The following KMT5A variants were observed in gnomAD, a reference collection of about 807,000 sequenced individuals.
KMT5A encodes the protein N-lysine methyltransferase KMT5A.
In KMT5A, 6 loss-of-function variants were observed where a neutral mutation model predicts 40.6. That is an observed-to-expected ratio of 0.15 (90% CI 0.08 to 0.29). The LOEUF is 0.29. Ranked by LOEUF, KMT5A falls within the 10% of genes least tolerant of loss-of-function variation. The pLI is 1.00. For synonymous variants in KMT5A, 153 were observed against 178.8 expected (o/e 0.86, Z 1.15); for missense variants, 308 against 459.1 (o/e 0.67, Z 3.01).
At chr12:123,396,650 A>G (rs760713186) in intron 5 of KMT5A, among the ~76,000 whole-genome samples, 2 of 152,184 alleles carry the variant, frequency 1.3e-5, no homozygotes, top group African/African-American at 2.4e-5. Flanking sequence ...TGGTTAAGAC[A>G]CTTGTGTGAA....
intron 1 of KMT5A, among the ~76,000 whole-genome samples, chr12:123,386,689 T>G (rs1416984015): frequency 1.3e-5 from 2 of 152,128 alleles, no homozygotes; most frequent in Non-Finnish European, 2.9e-5. Flanking sequence ...TTTATAATCA[T>G]GCAAATATTT....
At position 123,405,087 on chromosome 12, in the gene KMT5A, T is replaced by G. The variant is rs777987425; in HGVS notation, c.848+13T>G. The G allele has an allele frequency of 6.3e-7, 1 of 1,599,646 alleles. No homozygotes were observed. The highest frequency in any genetic ancestry group is 1.1e-5 in the South Asian group (1 of 89,698). On this transcript the variant is annotated intron_variant, in intron 7 of 7. Transcript: ENST00000402868. ...GCAAAACCTACTGGTGAGTCCACTGTTGCTTAGAGTGGCTTTTCTGTCCTC... is the reference window on the plus strand; with the variant it reads ...GCAAAACCTACTGGTGAGTCCACTGGTGCTTAGAGTGGCTTTTCTGTCCTC...
intron 1 of KMT5A, 168 bp from the exon 2 acceptor site, chr12:123,389,255 GCGACGCGGGC>G: frequency 2.2e-5 from 4 of 181,510 alleles, no homozygotes; most frequent in Non-Finnish European, 3.9e-5. Context: ...CGGCGGGAGG[GCGACGCGGGC>G]TCCGGCCCGG....
intron 5 of KMT5A, 40 bp downstream of exon 5, chr12:123,396,472 G>A: frequency 6.3e-7 from 1 of 1,592,598 alleles, no homozygotes; most frequent in Non-Finnish European, 8.6e-7. Flanking sequence ...GGAGGGGCAG[G>A]GTGGCCCACC....
chr12:123,385,455 C>G (rs763020362), intron 1 of KMT5A, among the ~76,000 whole-genome samples: 3 of 152,176 alleles, frequency 2.0e-5, no homozygotes, highest in Non-Finnish European at 4.4e-5. Flanking sequence ...TCATTTTTCT[C>G]ATCACAGCAA....
intron 3 of KMT5A, 60 bp from the exon 4 acceptor site, chr12:123,394,987 C>T (rs566313760): frequency 4.5e-5 from 63 of 1,407,354 alleles, no homozygotes; most frequent in Middle Eastern, 3.5e-4. Context: ...TGCAGCTGGT[C>T]GTCTGGAAAT....
At chr12:123,394,904 C>CG in intron 3 of KMT5A, 143 bp from the exon 4 acceptor site, 1 of 713,748 alleles carries the variant, frequency 1.4e-6, no homozygotes, top group Non-Finnish European at 2.4e-6. Flanking sequence ...ATAGCGGACA[C>CG]GGGGCTTAAC....
intron 2 of KMT5A, chr12:123,390,037 C>T (rs1466062771): frequency 8.6e-6 from 4 of 466,268 alleles, no homozygotes; most frequent in South Asian, 6.2e-5. Flanking sequence ...GACAAAGTGG[C>T]CGCCCCGAAT....
chr12:123,402,313 C>T (rs1041083007), intron 5 of KMT5A, among the ~76,000 whole-genome samples: 3 of 152,222 alleles, frequency 2.0e-5, no homozygotes, highest in African/African-American at 4.8e-5. Context: ...TGCAGGGCCG[C>T]AGTGGGAATG....
chr12:123,399,403 T>C (rs1265578023), intron 5 of KMT5A, among the ~76,000 whole-genome samples: 1 of 152,220 alleles, frequency 6.6e-6, no homozygotes, highest in African/African-American at 2.4e-5. Context: ...TCCCTGGCTT[T>C]GTGCCGGGGC....
At chr12:123,390,488 C>T (rs1877217977) in intron 2 of KMT5A, 142 bp from the exon 3 acceptor site, 1 of 985,376 alleles carries the variant, frequency 1.0e-6, no homozygotes, top group Non-Finnish European at 1.5e-6. Flanking sequence ...TCTCCTGAGA[C>T]AATGGGGGCT....
At chr12:123,399,225 C>T (rs1477443359) in intron 5 of KMT5A, among the ~76,000 whole-genome samples, 2 of 152,248 alleles carry the variant, frequency 1.3e-5, no homozygotes, top group East Asian at 3.8e-4. Context: ...GGAAGGTCCC[C>T]TCCTTCCTGG....
Position 123,389,505 on chromosome 12 carries a change from G to A in KMT5A, c.83G>A (p.Gly28Asp). 8.9e-7 allele frequency: 1 copy of A among 1,126,152 alleles called. No individual in the cohort carries two copies. Among genetic ancestry groups the A allele is most frequent in the Non-Finnish European group, 1.1e-6 (1 of 925,374 alleles). 69.8% of individuals were successfully genotyped at this position (1,126,152 alleles called of 1,614,324 possible). A position where few individuals can be genotyped will look rare whatever the true frequency, so the allele number is the denominator to read the frequency against. ...GCGGCGGTGGCAGCGACGGCCCCGGGCCCGGAGATGGTGGAGCGGAGGGGC... is the reference window on the plus strand; with the variant it reads ...GCGGCGGTGGCAGCGACGGCCCCGGACCCGGAGATGGTGGAGCGGAGGGGC... ...AAAAVAATAP[G>D]PEMVERRGPG... The change falls in exon 2 of 8, where the codon GGC (glycine) becomes GAC (aspartate). Residue 28 changes from glycine (G) to aspartate (D), a missense_variant. This residue lies in a region of KMT5A where 92 missense variants were observed against 78.3 expected (regional missense o/e 1.18). Coordinates refer to ENST00000402868, the MANE Select transcript of KMT5A (RefSeq NM_020382.7).
At chr12:123,390,397 C>T (rs970988373) in intron 2 of KMT5A, among the ~76,000 whole-genome samples, 1 of 152,180 alleles carries the variant, frequency 6.6e-6, no homozygotes, top group Non-Finnish European at 1.5e-5. Flanking sequence ...CTCCTGCTGG[C>T]CAGCTGTCCC....
At chr12:123,391,013 G>A (rs771317306) in intron 3 of KMT5A, 2 of 524,626 alleles carry the variant, frequency 3.8e-6, no homozygotes, top group African/African-American at 1.9e-5. Context: ...TATCCTTCAA[G>A]CTTGATTGTC....
intron 1 of KMT5A, among the ~76,000 whole-genome samples, chr12:123,386,250 C>T (rs1277313233): frequency 1.6e-5 from 2 of 127,444 alleles, no homozygotes; most frequent in African/African-American, 6.0e-5. Flanking sequence ...GAGTCTCTCT[C>T]TGTCACCCAG....
Position 123,384,336 on chromosome 12 carries a change from G to C in KMT5A, c.10+128G>C. 7.6e-7 allele frequency: 1 copy of C among 1,312,568 alleles called. No individual in the cohort carries two copies. The highest frequency in any genetic ancestry group is 1.1e-6 in the Non-Finnish European group (1 of 949,070). 81.3% of individuals were successfully genotyped at this position (1,312,568 alleles called of 1,614,324 possible). ...TGGCTCGGGGCAAGCTTGGGGACCC[G>C]CGTGGGGGGAGAGGGGGTGCTGCTG... On this transcript the variant is annotated intron_variant, in intron 1 of 7. Transcript: ENST00000402868. The surrounding 1 kb of genome is among the most constrained non-coding windows in gnomAD (Gnocchi z 5.7).
rs367784100 is a variant in KMT5A, at chr12:123,404,964, C to T, written c.738C>T (p.His246=). Residue 246 remains histidine, a synonymous_variant, in exon 7 of 8, where the codon CAC becomes CAT. Coordinates refer to ENST00000402868, the MANE Select transcript of KMT5A (RefSeq NM_020382.7). ...FSRGDFVVEY[H]GDLIEITDAK... ...GGGGTGACTTTGTGGTGGAATACCACGGGGACCTCATCGAGATCACCGACG... is the reference window on the plus strand; with the variant it reads ...GGGGTGACTTTGTGGTGGAATACCATGGGGACCTCATCGAGATCACCGACG... The T allele has an allele frequency of 1.2e-5, 20 of 1,613,986 alleles. No homozygotes were observed. The highest frequency in any genetic ancestry group is 1.7e-5 in the Admixed American group (1 of 60,014).
intron 7 of KMT5A, among the ~76,000 whole-genome samples, chr12:123,405,722 T>C (rs566334827): frequency 1.3e-5 from 2 of 152,032 alleles, no homozygotes; most frequent in East Asian, 3.9e-4. Flanking sequence ...GGTTTCATTA[T>C]GTTGGCCAGG....
Sources: gnomAD v4.1 joint callset for allele counts (sites outside exome capture counted in the v4.1 genomes callset) on GRCh38, gnomAD v4.1.1 for gene constraint, gnomAD v4.1.1 regional missense constraint, Gnocchi (gnomAD v3.1) non-coding constraint, MANE v1.5 for transcripts, NCBI Gene and HGNC (gene_info 2026-07-23, HGNC 2026-07-21) for gene names.